Variants in MAP3K7CL observed in about 807,000 individuals in gnomAD.
MAP3K7CL encodes MAP3K7 C-terminal-like protein.
Under a neutral mutation model 18.6 loss-of-function variants are expected in MAP3K7CL, and 16 were observed. The ratio of observed to expected loss-of-function variants is 0.86; its 90% confidence interval spans 0.58 to 1.31. The LOEUF (loss-of-function observed/expected upper bound fraction) is 1.31, where lower values mean the gene tolerates loss of function less well. MAP3K7CL is among the 50% of genes most tolerant of loss of function. The probability of loss-of-function intolerance (pLI) is 0.00; values close to 1 mark genes in which losing one functional copy is unlikely to be tolerated. For missense variants in MAP3K7CL, 163 were observed against 174.4 expected, an observed-to-expected ratio of 0.93 and a Z score of 0.37; for synonymous variants, 65 against 66.8, an observed-to-expected ratio of 0.97 and a Z score of 0.13.
At chr21:29,086,496 A>G (rs1384653310) in intron 1 of MAP3K7CL, among the ~76,000 whole-genome samples, 1 of 152,190 alleles carries the variant, frequency 6.6e-6, no homozygotes, top group Non-Finnish European at 1.5e-5. Context: ...TGTTGGTGTC[A>G]TTTCATAGTG....
chr21:29,149,180 T>G lies in MAP3K7CL; in HGVS notation c.71-9T>G. Reference sequence around the variant, plus strand: ...CATAGTGAAGAATCATTTTATTTCCTTGTTTTAGATGATACACCCCCTGAA... The same window carrying G: ...CATAGTGAAGAATCATTTTATTTCCGTGTTTTAGATGATACACCCCCTGAA... On this transcript the variant is annotated splice_polypyrimidine_tract_variant and intron_variant, in intron 2 of 4. Coordinates refer to ENST00000399928, the MANE Select transcript of MAP3K7CL (RefSeq NM_001286620.2). 6.2e-7 allele frequency: 1 copy of G among 1,613,154 alleles called. No homozygotes were observed. Among genetic ancestry groups the G allele is most frequent in the African/African-American group, 1.3e-5 (1 of 75,038 alleles).
At chr21:29,171,897 T>C (rs1460087672) in intron 4 of MAP3K7CL, among the ~76,000 whole-genome samples, 2 of 151,738 alleles carry the variant, frequency 1.3e-5, no homozygotes, top group Non-Finnish European at 2.9e-5. Context: ...GCCTTATTCT[T>C]CCTCCCACGA....
upstream of MAP3K7CL, among the ~76,000 whole-genome samples, chr21:29,082,628 T>A (rs1366661969): frequency 6.6e-6 from 1 of 152,110 alleles, no homozygotes; most frequent in Non-Finnish European, 1.5e-5. Context: ...CTTGTTAAAT[T>A]TGCTACTAGC....
At chr21:29,088,995 C>T (rs1431946874) in intron 1 of MAP3K7CL, among the ~76,000 whole-genome samples, 1 of 151,870 alleles carries the variant, frequency 6.6e-6, no homozygotes, top group Non-Finnish European at 1.5e-5. Context: ...CATGGTGAAA[C>T]CCCGTCTCTA....
At chr21:29,079,560 G>A (rs1454010895) in intron 1 of MAP3K7CL, among the ~76,000 whole-genome samples, 1 of 152,206 alleles carries the variant, frequency 6.6e-6, no homozygotes, top group Non-Finnish European at 1.5e-5. Flanking sequence ...GCCACAAAAA[G>A]CCCCCAGGTT....
chr21:29,160,091 A>C, intron 4 of MAP3K7CL, 35 bp downstream of exon 4: 1 of 1,551,588 alleles, frequency 6.4e-7, no homozygotes. Context: ...ACATCTGAGC[A>C]CTGCCTACTG....
chr21:29,139,895 CTT>C (rs5843369), intron 2 of MAP3K7CL, among the ~76,000 whole-genome samples: 1,041 of 67,250 alleles, frequency 0.015, 12 homozygotes, highest in African/African-American at 0.052. Context: ...CCATCTCTGG[CTT>C]TTTTTTTTTT....
intron 3 of MAP3K7CL, among the ~76,000 whole-genome samples, chr21:29,156,651 T>C (rs2087411569): frequency 6.6e-6 from 1 of 152,204 alleles, no homozygotes; most frequent in African/African-American, 2.4e-5. Context: ...ATACACACAT[T>C]ATATCACAAA....
At chr21:29,168,100 T>G (rs1344430002) in intron 4 of MAP3K7CL, among the ~76,000 whole-genome samples, 5 of 152,184 alleles carry the variant, frequency 3.3e-5, no homozygotes, top group African/African-American at 1.2e-4. Context: ...AAACCTCACT[T>G]TTATATACCT....
intron 2 of MAP3K7CL, among the ~76,000 whole-genome samples, chr21:29,145,047 C>A (rs940592458): frequency 6.6e-6 from 1 of 152,156 alleles, no homozygotes; most frequent in Non-Finnish European, 1.5e-5. Context: ...TATATTTCAT[C>A]CTTTAAAAAA....
chr21:29,113,054 C>T (rs1283000662), intron 4 of MAP3K7CL, among the ~76,000 whole-genome samples: 2 of 152,200 alleles, frequency 1.3e-5, no homozygotes, highest in South Asian at 2.1e-4. Flanking sequence ...CTTGGCCTCC[C>T]AAAGTGCTGG....
intron 4 of MAP3K7CL, among the ~76,000 whole-genome samples, chr21:29,125,307 C>T (rs1382279782): frequency 6.6e-6 from 1 of 152,198 alleles, no homozygotes; most frequent in African/African-American, 2.4e-5. Flanking sequence ...GAGTAAGAGA[C>T]AGAGCTGGGT....
chr21:29,147,069 G>T (rs1257768440), intron 2 of MAP3K7CL, among the ~76,000 whole-genome samples: 1 of 152,100 alleles, frequency 6.6e-6, no homozygotes, highest in African/African-American at 2.4e-5. Context: ...TGATGACTAT[G>T]AAAACATAAA....
At chr21:29,091,627 C>A (rs1463530828) in intron 2 of MAP3K7CL, 1 of 701,222 alleles carries the variant, frequency 1.4e-6, no homozygotes, top group South Asian at 1.5e-5. Flanking sequence ...AGGCGTGCAC[C>A]ACCACATCCA....
chr21:29,096,997 T>C (rs1247626916), intron 4 of MAP3K7CL, among the ~76,000 whole-genome samples: 1 of 152,216 alleles, frequency 6.6e-6, no homozygotes, highest in Non-Finnish European at 1.5e-5. Flanking sequence ...AAATCTCGGC[T>C]AAGAACTCTG....
chr21:29,103,665 G>C (rs377380935), intron 4 of MAP3K7CL, among the ~76,000 whole-genome samples: 1 of 152,046 alleles, frequency 6.6e-6, no homozygotes, highest in African/African-American at 2.4e-5. Flanking sequence ...AACCTGGGAG[G>C]TGGAGGTTGC....
intron 4 of MAP3K7CL, 38 bp downstream of exon 4, chr21:29,160,094 G>T (rs772283279): frequency 6.5e-7 from 1 of 1,540,770 alleles, no homozygotes; most frequent in Non-Finnish European, 9.0e-7. Flanking sequence ...TCTGAGCACT[G>T]CCTACTGGGC....
chr21:29,085,969 T>C (rs536002480), intron 1 of MAP3K7CL: 5 of 1,588,598 alleles, frequency 3.1e-6, no homozygotes, highest in Admixed American at 1.7e-5. Flanking sequence ...ACTATAATCC[T>C]GTTTTCAGTG....
chr21:29,141,543 G>T (rs896355946), intron 2 of MAP3K7CL, among the ~76,000 whole-genome samples: 2 of 151,148 alleles, frequency 1.3e-5, no homozygotes, highest in South Asian at 2.1e-4. Context: ...GAGAGAAATT[G>T]TCCTTAACTG....
Sources: gnomAD v4.1 joint callset for allele counts (sites outside exome capture counted in the v4.1 genomes callset) on GRCh38, gnomAD v4.1.1 for gene constraint, MANE v1.5 for transcripts, NCBI Gene and HGNC (gene_info 2026-07-23, HGNC 2026-07-21) for gene names.